Variants in SPIRE2 observed in about 807,000 individuals in gnomAD.
SPIRE2 encodes protein spire homolog 2.
SPIRE2 carries 76 observed loss-of-function variants against 80.7 expected under a neutral mutation model. That is an observed-to-expected ratio of 0.94 (90% CI 0.78 to 1.14). SPIRE2 has a LOEUF of 1.14. Among genes scored for constraint, SPIRE2 ranks in the 50% most tolerant of loss-of-function variants. SPIRE2 has a pLI of 0.00. For synonymous variants in SPIRE2, 535 were observed against 432.6 expected (o/e 1.24, Z -2.94); for missense variants, 1,196 against 1,015.3 (o/e 1.18, Z -2.42).
intron 13 of SPIRE2, 149 bp downstream of exon 13, chr16:89,868,365 T>G (rs1274161237): frequency 1.1e-6 from 1 of 889,524 alleles, no homozygotes; most frequent in Admixed American, 2.6e-5. Flanking sequence ...TCCAAGATAG[T>G]GTGCAGTTTT....
Position 89,850,478 on chromosome 16 carries a change from G to C in SPIRE2, c.463G>C (p.Glu155Gln). Residue 155 changes from glutamate to glutamine, a missense_variant, in exon 3 of 15, where the codon GAG becomes CAG. By Grantham distance (29) the Glu-to-Gln change is conservative (BLOSUM62 2). Transcript: ENST00000378247. ...ADEGYGGPEE[E>Q]EEAEGVPRSV... ...TGAGGGCTACGGGGGTCCCGAGGAG[G>C]AGGAGGAGGCCGAGGGCGTCCCCCG... The C allele has an allele frequency of 6.5e-7, 1 of 1,546,358 alleles. No homozygotes were observed. The highest frequency in any genetic ancestry group is 2.3e-5 in the East Asian group (1 of 43,116).
At chr16:89,835,177 G>GTGATTTTT (rs2041435381) in intron 1 of SPIRE2, among the ~76,000 whole-genome samples, 1 of 144,082 alleles carries the variant, frequency 6.9e-6, no homozygotes, top group African/African-American at 3.0e-5. Flanking sequence ...GCGTGGATAA[G>GTGATTTTT]CATAGCCCGT....
Position 89,831,002 on chromosome 16 carries a change from C to T in SPIRE2, c.244+2208C>T, listed in dbSNP as rs988150655. On this transcript the variant is annotated intron_variant, in intron 1 of 14. Coordinates refer to ENST00000378247, the MANE Select transcript of SPIRE2 (RefSeq NM_032451.2). Reference sequence around the variant, plus strand: ...TCTGCTCACTGCAAGCTCCACCTCCCGGGTTCACGCCATTCTCCTGCCTCA... The same window carrying T: ...TCTGCTCACTGCAAGCTCCACCTCCTGGGTTCACGCCATTCTCCTGCCTCA... Among the ~76,000 whole-genome samples the T allele has an allele frequency of 4.0e-4, 60 of 148,930 alleles. 3 individuals are homozygous for T. Among genetic ancestry groups the T allele is most frequent in the Non-Finnish European group, 3.5e-4 (23 of 66,560 alleles).
At chr16:89,842,192 G>A (rs1444365016) in intron 1 of SPIRE2, among the ~76,000 whole-genome samples, 1 of 138,740 alleles carries the variant, frequency 7.2e-6, no homozygotes, top group Admixed American at 7.7e-5. Flanking sequence ...AATACAATTA[G>A]ATTCATGAAC....
chr16:89,833,737 G>C (rs1179462892), intron 1 of SPIRE2, among the ~76,000 whole-genome samples: 1 of 152,218 alleles, frequency 6.6e-6, no homozygotes, highest in Non-Finnish European at 1.5e-5. Context: ...GCACTCGCTG[G>C]ACCTGCCTTG....
At chr16:89,837,641 C>T (rs1231204410) in intron 1 of SPIRE2, among the ~76,000 whole-genome samples, 1 of 152,200 alleles carries the variant, frequency 6.6e-6, no homozygotes, top group Admixed American at 6.5e-5. Flanking sequence ...ATCAGGGGCA[C>T]TGCTGAGGGC....
chr16:89,859,283 C>T lies in SPIRE2; in HGVS notation c.1391C>T (p.Pro464Leu), dbSNP rs148431869. 19 of 1,604,592 alleles carry T rather than the reference C, an allele frequency of 1.2e-5. No individual in the cohort carries two copies. The highest frequency in any genetic ancestry group is 1.6e-5 in the Non-Finnish European group (19 of 1,178,570). ...ASGLQSATHPPGGTEPPRPRA... is the reference protein window; with the variant it reads ...ASGLQSATHPLGGTEPPRPRA... The stretch of plus-strand genomic sequence containing the variant: ...GGCCTGCAGTCGGCCACCCACCCCC[C>T]AGGAGGGACGGAGCCACCACGGCCC... Residue 464 changes from proline (P) to leucine (L), a missense_variant, in exon 9 of 15, where the codon CCA (proline) becomes CTA (leucine). Pro to Leu is a moderately conservative substitution (Grantham distance 98, BLOSUM62 -3). Transcript: ENST00000378247.
intron 3 of SPIRE2, among the ~76,000 whole-genome samples, chr16:89,850,905 C>T (rs1822665481): frequency 6.6e-6 from 1 of 152,028 alleles, no homozygotes; most frequent in Non-Finnish European, 1.5e-5. Context: ...GGCTCGATCT[C>T]GGCTCACTGC....
rs377704786 is a variant in SPIRE2 at position 89,854,570 on chromosome 16, C to T, written c.810C>T (p.Leu270=). The T allele has an allele frequency of 1.1e-5, 17 of 1,612,660 alleles. No homozygotes were observed. Among genetic ancestry groups the T allele is most frequent in the South Asian group, 2.2e-5 (2 of 91,096 alleles). ...TGCAAGAGCAGGAGTTCAACCCCCTCCCCACCGAGTTCCAGCTCACGCCCT... is the reference window on the plus strand; with the variant it reads ...TGCAAGAGCAGGAGTTCAACCCCCTTCCCACCGAGTTCCAGCTCACGCCCT... ...KKVQEQEFNP[L]PTEFQLTPFE... is the part of the protein sequence containing the mutation. Residue 270 remains leucine (L), a synonymous_variant, in exon 5 of 15, where the codon CTC becomes CTT. Transcript: ENST00000378247.
intron 13 of SPIRE2, 58 bp downstream of exon 13, chr16:89,868,274 C>T: frequency 1.3e-6 from 2 of 1,565,194 alleles, no homozygotes; most frequent in Non-Finnish European, 1.8e-6. Flanking sequence ...GCTCCACTGG[C>T]TTTGATTGGA....
At chr16:89,850,115 T>C (rs975403293) in intron 2 of SPIRE2, 189 bp from the exon 3 acceptor site, 31 of 702,534 alleles carry the variant, frequency 4.4e-5, no homozygotes, top group African/African-American at 4.4e-4. Flanking sequence ...GGATTACAGG[T>C]GTGGGCCACC....
rs1236265358 is a variant in SPIRE2, at chr16:89,840,827, C to T, written c.245-4495C>T. ...ATTTTTTTGTATTTTTTAGTAGAGACGGGGTTTCACCGTGTTAGCCAGGAT... is the reference window on the plus strand; with the variant it reads ...ATTTTTTTGTATTTTTTAGTAGAGATGGGGTTTCACCGTGTTAGCCAGGAT... On this transcript the variant is annotated intron_variant, in intron 1 of 14. Coordinates refer to ENST00000378247, the MANE Select transcript of SPIRE2 (RefSeq NM_032451.2). Among the ~76,000 whole-genome samples, 16 of 150,928 alleles carry T rather than the reference C, an allele frequency of 1.1e-4. 1 individual carries two copies. Among genetic ancestry groups the T allele is most frequent in the African/African-American group, 3.2e-4 (13 of 41,112 alleles).
At chr16:89,855,836 C>G in intron 6 of SPIRE2, 150 bp downstream of exon 6, 1 of 934,598 alleles carries the variant, frequency 1.1e-6, no homozygotes, top group Non-Finnish European at 1.6e-6. Flanking sequence ...GGCTGGCTTC[C>G]TCTTGCCTGT....
intron 3 of SPIRE2, among the ~76,000 whole-genome samples, chr16:89,853,378 T>C (rs2041655552): frequency 6.6e-6 from 1 of 152,092 alleles, no homozygotes; most frequent in African/African-American, 2.4e-5. Flanking sequence ...GAATTGGTAG[T>C]AGGACCAAGT....
chr16:89,850,939 C>T (rs1042440776), intron 3 of SPIRE2, among the ~76,000 whole-genome samples: 1 of 152,056 alleles, frequency 6.6e-6, no homozygotes, highest in African/African-American at 2.4e-5. Flanking sequence ...CAGGTTCAAG[C>T]AATTCTCCTG....
In SPIRE2 at chr16:89,850,413, C is replaced by A; in HGVS notation, c.398C>A (p.Ala133Asp). The stretch of plus-strand genomic sequence containing the variant: ...CTGGAGCGGCTCATCGACCTCATGG[C>A]CAACAACGACAGCGAGGACAGCGGC... Reference protein sequence around the residue: ...PQLERLIDLMANNDSEDSGCG... With the variant: ...PQLERLIDLMDNNDSEDSGCG... Residue 133 changes from alanine (A) to aspartate (D), a missense_variant, in exon 3 of 15, where the codon GCC becomes GAC. Coordinates refer to ENST00000378247, the MANE Select transcript of SPIRE2 (RefSeq NM_032451.2). 5 of 1,592,706 alleles carry A rather than the reference C, an allele frequency of 3.1e-6. No individual in the cohort carries two copies. The highest frequency in any genetic ancestry group is 3.4e-6 in the Non-Finnish European group (4 of 1,171,088).
intron 1 of SPIRE2, among the ~76,000 whole-genome samples, chr16:89,834,576 C>T (rs1245464803): frequency 3.0e-5 from 2 of 67,418 alleles, no homozygotes; most frequent in Admixed American, 1.9e-4. Context: ...CGTAGAAGGC[C>T]CCATAAGCAT....
At chr16:89,843,419 C>G (rs148380243) in intron 1 of SPIRE2, among the ~76,000 whole-genome samples, 1 of 151,978 alleles carries the variant, frequency 6.6e-6, no homozygotes. Flanking sequence ...CATTTCCACT[C>G]GGACTGTGGT....
At chr16:89,854,166 C>T (rs748693556) in intron 3 of SPIRE2, 120 bp from the exon 4 acceptor site, 6 of 924,250 alleles carry the variant, frequency 6.5e-6, no homozygotes, top group Non-Finnish European at 8.3e-6. Flanking sequence ...GCCCAGCTGT[C>T]TCTTTTCCGG....
Sources: allele counts gnomAD v4.1 joint callset (sites outside exome capture counted in the v4.1 genomes callset), GRCh38; gene constraint gnomAD v4.1.1; transcripts MANE v1.5; gene names NCBI Gene and HGNC (gene_info 2026-07-23, HGNC 2026-07-21).